Variants in PDE4DIP observed in about 807,000 individuals in gnomAD.
PDE4DIP encodes myomegalin.
PDE4DIP carries 59 observed loss-of-function variants against 221.4 expected under a neutral mutation model. The observed-to-expected ratio is 0.27, with a 90% CI of 0.22 to 0.33. PDE4DIP has a LOEUF of 0.33. Among genes scored for constraint, PDE4DIP ranks in the 10% least tolerant of loss-of-function variants. The probability of loss-of-function intolerance (pLI) is 1.00; values close to 1 mark genes in which losing one functional copy is unlikely to be tolerated. For missense variants in PDE4DIP, 1,036 were observed against 2,154.2 expected, an observed-to-expected ratio of 0.48 and a Z score of 10.28; for synonymous variants, 404 against 815.9, an observed-to-expected ratio of 0.50 and a Z score of 8.60.
intron 17 of PDE4DIP, among the ~76,000 whole-genome samples, chr1:148,977,559 G>C (rs1574750300): frequency 6.8e-6 from 1 of 147,040 alleles, no homozygotes; most frequent in Non-Finnish European, 1.5e-5. Context: ...ATTCATTAAG[G>C]GTTGCAAAAT....
At chr1:149,011,095 G>A (rs1575337328) in intron 31 of PDE4DIP, among the ~76,000 whole-genome samples, 1 of 152,122 alleles carries the variant, frequency 6.6e-6, no homozygotes, top group African/African-American at 2.4e-5. Flanking sequence ...TGGATTGGCA[G>A]TCCTTGATAT....
At chr1:148,952,889 T>G (rs1553492549) in intron 5 of PDE4DIP, 1 of 1,550,804 alleles carries the variant, frequency 6.4e-7, no homozygotes, top group Admixed American at 1.8e-5. Context: ...TTCGCACGTC[T>G]TGGGCAAGGA....
chr1:148,861,597 C>T (rs1198158018), intron 1 of PDE4DIP, among the ~76,000 whole-genome samples: 1 of 75,276 alleles, frequency 1.3e-5, no homozygotes, highest in African/African-American at 7.0e-5. Context: ...GAGATCGTGC[C>T]ATGCACTCCA....
chr1:148,986,860 A>G (rs1223590638), intron 21 of PDE4DIP, among the ~76,000 whole-genome samples: 1 of 152,216 alleles, frequency 6.6e-6, no homozygotes, highest in Non-Finnish European at 1.5e-5. Context: ...AGAATAAAAG[A>G]GACCATGAGC....
At chr1:148,937,826 C>T in exon 5 of PDE4DIP, 2 of 1,064,538 alleles carry the variant, frequency 1.9e-6, no homozygotes, top group Non-Finnish European at 2.9e-6. Flanking sequence ...ACAACAACTG[C>T]TACATCTGTT....
intron 41 of PDE4DIP, among the ~76,000 whole-genome samples, chr1:149,029,579 T>TG (rs1226979625): frequency 3.3e-5 from 5 of 152,150 alleles, no homozygotes; most frequent in South Asian, 2.1e-4. Context: ...CTAGTCTGCA[T>TG]GGGGAATTCC....
At chr1:148,934,726 C>T (rs1317861415) in intron 4 of PDE4DIP, among the ~76,000 whole-genome samples, 6 of 152,000 alleles carry the variant, frequency 3.9e-5, no homozygotes, top group Non-Finnish European at 7.3e-5. Context: ...GCCTCAGCCT[C>T]CCGAGTAGCT....
intron 1 of PDE4DIP, among the ~76,000 whole-genome samples, chr1:148,859,830 ATGTG>A (rs4068415): frequency 5.5e-4 from 58 of 105,130 alleles, no homozygotes; most frequent in Middle Eastern, 4.6e-3. Context: ...GTGTGTGTGT[ATGTG>A]TGTGTGTGTG....
chr1:148,954,239 T>C (rs2054534277), intron 5 of PDE4DIP, among the ~76,000 whole-genome samples: 1 of 152,186 alleles, frequency 6.6e-6, no homozygotes, highest in African/African-American at 2.4e-5. Flanking sequence ...CTTTTCCTCT[T>C]ACCTCTTTTT....
At chr1:149,030,712 T>A in intron 43 of PDE4DIP, 1 of 984,778 alleles carries the variant, frequency 1.0e-6, no homozygotes, top group South Asian at 4.7e-5. Context: ...TAAACTGATT[T>A]CACTGCACAT....
rs587707087 is a variant in PDE4DIP at position 148,996,964 on chromosome 1, A to G, written c.2905-1179A>G. On this transcript the variant is annotated intron_variant, in intron 22 of 43. Coordinates refer to ENST00000369354, the Ensembl canonical transcript of PDE4DIP. ...AGCCAGAATGAATTTATAAGTGACA[A>G]TTACAAGTCACAATATTTGTAGAGA... Among the ~76,000 whole-genome samples the G allele has an allele frequency of 7.8e-3, 1,188 of 152,376 alleles. 2 individuals carry two copies. Among genetic ancestry groups the G allele is most frequent in the African/African-American group, 0.027 (1,125 of 41,576 alleles).
chr1:149,028,870 G>A (rs2075927410), intron 41 of PDE4DIP, among the ~76,000 whole-genome samples, 167 bp downstream of exon 44: 2 of 151,888 alleles, frequency 1.3e-5, no homozygotes. Flanking sequence ...CTGACCCATG[G>A]TGGCTGCTTT....
intron 37 of PDE4DIP, 147 bp from the exon 41 acceptor site, chr1:149,024,298 C>T (rs1298011562): frequency 1.4e-4 from 102 of 738,370 alleles, no homozygotes; most frequent in Non-Finnish European, 2.1e-4. Flanking sequence ...AGGCCACACA[C>T]AGAAATGGTG....
At chr1:148,944,250 G>C (rs1573957435) in intron 5 of PDE4DIP, among the ~76,000 whole-genome samples, 1 of 152,184 alleles carries the variant, frequency 6.6e-6, no homozygotes, top group Non-Finnish European at 1.5e-5. Context: ...TTGAAGGGTG[G>C]ATAGGATTTT....
At chr1:148,984,069 C>T (rs1297853550) in intron 21 of PDE4DIP, 1 of 151,992 alleles carries the variant, frequency 6.6e-6, no homozygotes, top group Non-Finnish European at 1.5e-5. Context: ...TCCCTAAACT[C>T]TTTTCTATTG....
At chr1:148,963,915 C>T (rs1292227172) in intron 9 of PDE4DIP, among the ~76,000 whole-genome samples, 3 of 149,718 alleles carry the variant, frequency 2.0e-5, no homozygotes, top group Admixed American at 6.6e-5. Flanking sequence ...CGCCACCACG[C>T]CCGGCTAATT....
chr1:148,820,830 A>ATTATTTATTTAT (rs56760360), intron 1 of PDE4DIP, among the ~76,000 whole-genome samples: 65 of 112,296 alleles, frequency 5.8e-4, no homozygotes, highest in Non-Finnish European at 6.5e-4. Flanking sequence ...GGATGATCTG[A>ATTATTTATTTAT]TTATTTATTT....
chr1:148,885,175 T>C (rs1342633205), upstream of PDE4DIP, among the ~76,000 whole-genome samples: 2 of 145,090 alleles, frequency 1.4e-5, no homozygotes, highest in African/African-American at 2.5e-5. Flanking sequence ...ACAAAATAAA[T>C]AAGAAAATGT....
chr1:148,966,428 CT>C, intron 10 of PDE4DIP, 114 bp from the exon 14 acceptor site: 1 of 552,524 alleles, frequency 1.8e-6, no homozygotes, highest in Non-Finnish European at 3.2e-6. Context: ...AAACTTGTTA[CT>C]TTTGAGGAGA....
Sources: gnomAD v4.1 joint callset for allele counts (sites outside exome capture counted in the v4.1 genomes callset) on GRCh38, gnomAD v4.1.1 for gene constraint, MANE v1.5 for transcripts, NCBI Gene and HGNC (gene_info 2026-07-23, HGNC 2026-07-21) for gene names.